The following CASK variants were observed in gnomAD, a reference collection of about 807,000 sequenced individuals.
CASK encodes calcium/calmodulin dependent serine protein kinase.
In CASK, 4 loss-of-function variants were observed where a neutral mutation model predicts 82.9. That is an observed-to-expected ratio of 0.05 (90% CI 0.02 to 0.11). The LOEUF (loss-of-function observed/expected upper bound fraction) is 0.11, where lower values mean the gene tolerates loss of function less well. CASK is among the 10% of genes least tolerant of loss of function. The probability of loss-of-function intolerance (pLI) is 1.00; values close to 1 mark genes in which losing one functional copy is unlikely to be tolerated. For missense variants in CASK, 358 were observed against 720.9 expected, an observed-to-expected ratio of 0.50 and a Z score of 5.76; for synonymous variants, 259 against 253.5, an observed-to-expected ratio of 1.02 and a Z score of -0.20.
intron 21 of CASK, among the ~76,000 whole-genome samples, 170 bp downstream of exon 21, chrX:41,553,549 G>A (rs1395056827): frequency 9.0e-6 from 1 of 111,268 alleles, no homozygotes; most frequent in Non-Finnish European, 1.9e-5. Context: ...GATCTCACTA[G>A]ATACTGAAGA....
At chrX:41,676,456 G>C (rs192028284) in intron 5 of CASK, 1 of 1,196,906 alleles carries the variant, frequency 8.4e-7, no homozygotes, top group African/African-American at 1.7e-5. Context: ...CAGCCTGCTC[G>C]GCCAGTTTGG....
At chrX:41,574,987 A>G (rs1255473133) in intron 15 of CASK, among the ~76,000 whole-genome samples, 1 of 112,514 alleles carries the variant, frequency 8.9e-6, no homozygotes, top group Non-Finnish European at 1.9e-5. Flanking sequence ...CAATTGTAAT[A>G]TTCAAGTTTC....
intron 1 of CASK, among the ~76,000 whole-genome samples, chrX:41,889,890 T>A (rs936056051): frequency 9.0e-6 from 1 of 111,692 alleles, no homozygotes; most frequent in African/African-American, 3.3e-5. Context: ...CATAAATAAT[T>A]TCCCAGTAGA....
chrX:41,777,217 C>T (rs1444624541), intron 3 of CASK, among the ~76,000 whole-genome samples: 1 of 111,649 alleles, frequency 9.0e-6, no homozygotes, highest in Admixed American at 9.6e-5. Context: ...TTAGGCCAGG[C>T]GTGGTGGCTC....
chrX:41,688,659 T>C (rs1197732259), intron 5 of CASK, among the ~76,000 whole-genome samples: 1 of 112,049 alleles, frequency 8.9e-6, no homozygotes, highest in African/African-American at 3.2e-5. Context: ...AAAGTCCATA[T>C]AGCATATTAT....
chrX:41,596,345 G>A (rs1005463964), intron 12 of CASK, among the ~76,000 whole-genome samples: 3 of 112,484 alleles, frequency 2.7e-5, no homozygotes, highest in Non-Finnish European at 5.6e-5. Flanking sequence ...ATAAATGAAT[G>A]AGCATGGCTG....
intron 9 of CASK, 73 bp from the exon 10 acceptor site, chrX:41,626,776 T>C (rs1439990041): frequency 2.9e-6 from 2 of 686,657 alleles, no homozygotes; most frequent in East Asian, 7.1e-5. Flanking sequence ...TAACAAATTA[T>C]TTATCTTAAG....
At position 41,653,500 on chromosome X, in the gene CASK, C is replaced by T. The variant is rs146936830; in HGVS notation, c.831+6939G>A. On this transcript the variant is annotated intron_variant, in intron 8 of 26. Transcript: ENST00000378163. ...CTGTAATAGCTGAACAGAAATGAAA[C>T]AAATGCTGGATGAGGCCTTGATGCT... Among the ~76,000 whole-genome samples, 407 of 111,965 alleles carry T rather than the reference C, an allele frequency of 3.6e-3. 4 individuals carry two copies. Among genetic ancestry groups the T allele is most frequent in the African/African-American group, 0.013 (390 of 30,844 alleles).
chrX:41,691,210 G>A (rs1367516091), intron 5 of CASK, among the ~76,000 whole-genome samples: 2 of 111,909 alleles, frequency 1.8e-5, no homozygotes, highest in Non-Finnish European at 3.8e-5. Context: ...GCTTTCTGGA[G>A]ACATCTTGAT....
Position 41,914,276 on chromosome X carries a change from T to G in CASK, c.59+8654A>C, listed in dbSNP as rs189629762. On this transcript the variant is annotated intron_variant, in intron 1 of 26. Coordinates refer to ENST00000378163, the MANE Select transcript of CASK (RefSeq NM_001367721.1). Reference sequence around the variant, plus strand: ...CATTCTTACCTGCAAATGATTCAAATACTCAAAACAATGATTACAAAGCAA... The same window carrying G: ...CATTCTTACCTGCAAATGATTCAAAGACTCAAAACAATGATTACAAAGCAA... Among the ~76,000 whole-genome samples, 43 of 111,918 alleles carry G rather than the reference T, an allele frequency of 3.8e-4. No homozygotes were observed. In the East Asian group the frequency reaches 0.011, roughly 28 times the overall value.
At chrX:41,784,768 C>T (rs1186283020) in intron 3 of CASK, among the ~76,000 whole-genome samples, 2 of 109,329 alleles carry the variant, frequency 1.8e-5, no homozygotes, top group Non-Finnish European at 3.8e-5. Flanking sequence ...CCCAGCTATT[C>T]GGGAGGCTGA....
chrX:41,908,973 T>C (rs1017416931), intron 1 of CASK, among the ~76,000 whole-genome samples: 2 of 111,943 alleles, frequency 1.8e-5, no homozygotes, highest in African/African-American at 6.5e-5. Context: ...CAAATAACTA[T>C]TTACAAAAAC....
Position 41,685,198 on chromosome X carries a change from G to C in CASK, c.430-13668C>G, listed in dbSNP as rs918058733. On this transcript the variant is annotated intron_variant, in intron 5 of 26. Transcript: ENST00000378163. Reference sequence around the variant, plus strand: ...GAGTGAGGTTCATTTGTTTCAACTAGATTTTGCCTTAATTTGGTGTTTTAA... The same window carrying C: ...GAGTGAGGTTCATTTGTTTCAACTACATTTTGCCTTAATTTGGTGTTTTAA... Among the ~76,000 whole-genome samples the C allele has an allele frequency of 2.7e-5, 3 of 111,756 alleles. No individual in the cohort carries two copies. In the Admixed American group the frequency reaches 2.9e-4, roughly 11 times the overall value.
intron 11 of CASK, among the ~76,000 whole-genome samples, chrX:41,612,230 G>C (rs1464593101): frequency 1.8e-5 from 2 of 108,622 alleles, no homozygotes; most frequent in African/African-American, 3.4e-5. Flanking sequence ...TCTCTGCCCC[G>C]CCGCCATCCC....
At position 41,586,951 on chromosome X, in the gene CASK, C is replaced by A; in HGVS notation, c.1270G>T (p.Asp424Tyr). The change falls in exon 14 of 27, where the codon GAC (aspartate) becomes TAC (tyrosine). Residue 424 changes from aspartate to tyrosine, a missense_variant. Physicochemically the swap from Asp to Tyr is radical, Grantham distance 160. Coordinates refer to ENST00000378163, the MANE Select transcript of CASK (RefSeq NM_001367721.1). ...EEISCYPENN[D>Y]AKELKRILTQ... ...AAAATACGCTTTAGTTCCTTTGCGT[C>A]GTTATTCTCAGGGTAACATGAAATT... The A allele has an allele frequency of 8.5e-7, 1 of 1,181,568 alleles. No individual in the cohort carries two copies. Among genetic ancestry groups the A allele is most frequent in the Non-Finnish European group, 1.2e-6 (1 of 869,533 alleles).
At chrX:41,540,107 C>T (rs2064928261) in intron 22 of CASK, among the ~76,000 whole-genome samples, 1 of 111,861 alleles carries the variant, frequency 8.9e-6, no homozygotes, top group Non-Finnish European at 1.9e-5. Flanking sequence ...GTGACACACA[C>T]TGACATGTAG....
chrX:41,711,162 A>G (rs553149117), intron 5 of CASK, among the ~76,000 whole-genome samples: 1 of 111,850 alleles, frequency 8.9e-6, no homozygotes, highest in African/African-American at 3.3e-5. Flanking sequence ...GGTGGGGGCC[A>G]GTCTTGGGGA....
intron 7 of CASK, among the ~76,000 whole-genome samples, chrX:41,662,666 G>A (rs771972685): frequency 1.4e-3 from 149 of 109,266 alleles, no homozygotes; most frequent in African/African-American, 4.8e-3. Flanking sequence ...TGGTGCATGC[G>A]CCTGTAATCC....
At chrX:41,644,125 G>A (rs2066711788) in intron 8 of CASK, among the ~76,000 whole-genome samples, 1 of 111,576 alleles carries the variant, frequency 9.0e-6, no homozygotes. Context: ...GGATGAAGCT[G>A]ACTTGATCGT....
Sources: allele counts gnomAD v4.1 joint callset (sites outside exome capture counted in the v4.1 genomes callset), GRCh38; gene constraint gnomAD v4.1.1; transcripts MANE v1.5; gene names NCBI Gene and HGNC (gene_info 2026-07-23, HGNC 2026-07-21).